The following ZNF385D variants were observed in gnomAD, a reference collection of about 807,000 sequenced individuals.
ZNF385D encodes zinc finger protein 659.
In ZNF385D, 15 loss-of-function variants were observed where a neutral mutation model predicts 35.8. That is an observed-to-expected ratio of 0.42 (90% CI 0.28 to 0.64). ZNF385D has a LOEUF of 0.64. Among genes scored for constraint, ZNF385D ranks in the 30% least tolerant of loss-of-function variants. ZNF385D has a pLI of 0.23. For synonymous variants in ZNF385D, 212 were observed against 186.8 expected, an observed-to-expected ratio of 1.13 and a Z score of -1.10; for missense variants, 474 against 494.6, an observed-to-expected ratio of 0.96 and a Z score of 0.39.
chr3:22,223,990 A>C (rs913347251), intron 2 of ZNF385D, among the ~76,000 whole-genome samples: 5 of 152,156 alleles, frequency 3.3e-5, no homozygotes, highest in Non-Finnish European at 5.9e-5. Context: ...CCTGGTTCAT[A>C]GAATAACTCC....
intron 5 of ZNF385D, among the ~76,000 whole-genome samples, chr3:21,434,567 C>T (rs1701459868): frequency 6.6e-6 from 1 of 152,106 alleles, no homozygotes; most frequent in Non-Finnish European, 1.5e-5. Flanking sequence ...TGGAAGAAAT[C>T]CTAGACATGG....
chr3:22,347,063 G>T (rs868348021), intron 2 of ZNF385D, among the ~76,000 whole-genome samples: 2 of 152,048 alleles, frequency 1.3e-5, no homozygotes, highest in Non-Finnish European at 2.9e-5. Flanking sequence ...AAGGATTAAT[G>T]TAAGACACTG....
intron 2 of ZNF385D, among the ~76,000 whole-genome samples, chr3:22,189,537 G>A (rs1219895990): frequency 6.6e-6 from 1 of 152,002 alleles, no homozygotes; most frequent in African/African-American, 2.4e-5. Flanking sequence ...CAGGAATAAG[G>A]GAACCCGAAA....
chr3:21,463,274 A>T (rs1266436896), intron 4 of ZNF385D, among the ~76,000 whole-genome samples: 1 of 148,010 alleles, frequency 6.8e-6, no homozygotes, highest in African/African-American at 2.4e-5. Flanking sequence ...TGGCTTTTAT[A>T]AAAAAAAATA....
chr3:22,255,974 C>G (rs1700294171), intron 2 of ZNF385D, among the ~76,000 whole-genome samples: 2 of 151,628 alleles, frequency 1.3e-5, no homozygotes, highest in Non-Finnish European at 2.9e-5. Context: ...CACCCTTAAT[C>G]TGGTTGTGCA....
chr3:22,363,474 TGTAA>T (rs1226473871), intron 2 of ZNF385D, among the ~76,000 whole-genome samples: 6 of 152,206 alleles, frequency 3.9e-5, no homozygotes, highest in Non-Finnish European at 7.3e-5. Flanking sequence ...CTTTATATTC[TGTAA>T]GTAAGATTCC....
intron 3 of ZNF385D, among the ~76,000 whole-genome samples, chr3:21,771,956 G>A (rs1015942396): frequency 2.6e-5 from 4 of 151,890 alleles, no homozygotes; most frequent in African/African-American, 4.8e-5. Flanking sequence ...TTTGACAAGG[G>A]TGGTAAGACA....
At chr3:22,013,884 C>A (rs998839427) in intron 3 of ZNF385D, among the ~76,000 whole-genome samples, 10 of 151,992 alleles carry the variant, frequency 6.6e-5, no homozygotes, top group South Asian at 2.1e-4. Context: ...TTCACTGCAA[C>A]CTTATCTAAT....
intron 3 of ZNF385D, among the ~76,000 whole-genome samples, chr3:21,994,868 G>A (rs1695365661): frequency 6.6e-6 from 1 of 152,218 alleles, no homozygotes; most frequent in Non-Finnish European, 1.5e-5. Context: ...TGGAAGTGGT[G>A]GTAAGGCTTG....
intron 1 of ZNF385D, among the ~76,000 whole-genome samples, chr3:21,681,222 CCTT>C (rs890570647): frequency 1.7e-4 from 23 of 137,514 alleles, no homozygotes; most frequent in Non-Finnish European, 3.0e-5. Context: ...GTAAGGTAAA[CCTT>C]CTGACAAAAA....
At chr3:22,078,942 T>C (rs747589215) in intron 3 of ZNF385D, among the ~76,000 whole-genome samples, 9 of 152,100 alleles carry the variant, frequency 5.9e-5, no homozygotes, top group Non-Finnish European at 7.4e-5. Context: ...GAAATTGACC[T>C]ATTTTTCTTT....
At chr3:21,689,034 A>G (rs1276725199) in intron 1 of ZNF385D, among the ~76,000 whole-genome samples, 1 of 151,946 alleles carries the variant, frequency 6.6e-6, no homozygotes, top group Admixed American at 6.6e-5. Context: ...CAAATCTTAC[A>G]TAATTCTTAT....
intron 3 of ZNF385D, among the ~76,000 whole-genome samples, chr3:22,077,730 G>A (rs548144018): frequency 1.2e-4 from 18 of 152,050 alleles, no homozygotes; most frequent in Admixed American, 7.9e-4. Flanking sequence ...AGTTGTAGCT[G>A]CCTACATAAT....
At chr3:21,825,257 C>G (rs1013681339) in intron 3 of ZNF385D, among the ~76,000 whole-genome samples, 8 of 152,148 alleles carry the variant, frequency 5.3e-5, no homozygotes, top group Admixed American at 3.9e-4. Context: ...GTGAAACCCC[C>G]TTGGCTCTAT....
chr3:22,320,348 T>C (rs187112219), intron 2 of ZNF385D, among the ~76,000 whole-genome samples: 162 of 152,186 alleles, frequency 1.1e-3, no homozygotes, highest in African/African-American at 3.8e-3. Context: ...TTCCTTTCAG[T>C]CATTATGAAT....
chr3:22,225,399 C>G (rs1046948175), intron 2 of ZNF385D, among the ~76,000 whole-genome samples: 1 of 152,142 alleles, frequency 6.6e-6, no homozygotes, highest in Admixed American at 6.6e-5. Flanking sequence ...CGAGCCCACC[C>G]TGAACCCATG....
chr3:21,782,512 C>T (rs1044819416), intron 3 of ZNF385D, among the ~76,000 whole-genome samples: 11 of 152,108 alleles, frequency 7.2e-5, no homozygotes, highest in African/African-American at 2.7e-4. Context: ...AATTGTCACA[C>T]TGTGCATAGA....
intron 1 of ZNF385D, among the ~76,000 whole-genome samples, chr3:21,744,442 AT>A (rs1376793919): frequency 6.6e-6 from 1 of 152,178 alleles, no homozygotes; most frequent in Non-Finnish European, 1.5e-5. Context: ...TGTAGGCAAA[AT>A]TGTATTCATT....
intron 3 of ZNF385D, among the ~76,000 whole-genome samples, chr3:22,008,228 C>T (rs259455): frequency 0.77 from 116,677 of 151,844 alleles, 45,497 homozygotes; most frequent in South Asian, 0.81. Flanking sequence ...TAGGAAAATA[C>T]ACACTTGTCA....
Sources: allele counts gnomAD v4.1 joint callset (sites outside exome capture counted in the v4.1 genomes callset), GRCh38; gene constraint gnomAD v4.1.1; transcripts MANE v1.5; gene names NCBI Gene and HGNC (gene_info 2026-07-23, HGNC 2026-07-21).